Variants in LINGO2 observed in about 807,000 individuals in gnomAD.
LINGO2 encodes leucine rich repeat and Ig domain containing 2, also known as leucine-rich repeat and immunoglobulin-like domain-containing nogo receptor-interacting protein 2.
In LINGO2, 14 loss-of-function variants were observed where a neutral mutation model predicts 30.6. That is an observed-to-expected ratio of 0.46 (90% CI 0.30 to 0.72). The LOEUF is 0.72. Among genes scored for constraint, LINGO2 ranks in the 30% least tolerant of loss-of-function variants. The probability of loss-of-function intolerance (pLI) is 0.07; values close to 1 mark genes in which losing one functional copy is unlikely to be tolerated. For missense variants in LINGO2, 729 were observed against 751.7 expected, an observed-to-expected ratio of 0.97 and a Z score of 0.35; for synonymous variants, 317 against 288.5, an observed-to-expected ratio of 1.10 and a Z score of -1.00.
At chr9:28,324,105 A>C (rs1370131558) in intron 3 of LINGO2, among the ~76,000 whole-genome samples, 2 of 152,176 alleles carry the variant, frequency 1.3e-5, no homozygotes, top group Admixed American at 6.5e-5. Flanking sequence ...CCGTAAGGCT[A>C]ATACTTAGAG....
chr9:28,243,469 A>AAAAAAAG (rs61010611), intron 4 of LINGO2, among the ~76,000 whole-genome samples: 2 of 145,206 alleles, frequency 1.4e-5, no homozygotes, highest in African/African-American at 2.6e-5. Context: ...AAAAATAAAA[A>AAAAAAAG]AAGAAGAAGA....
At chr9:28,256,480 A>G (rs1822387194) in intron 4 of LINGO2, among the ~76,000 whole-genome samples, 2 of 152,000 alleles carry the variant, frequency 1.3e-5, no homozygotes, top group African/African-American at 4.8e-5. Flanking sequence ...TTCAAATGCA[A>G]TAGACAGACA....
chr9:27,954,666 T>C lies in LINGO2; in HGVS notation c.-35-3960A>G, dbSNP rs147580187. Among the ~76,000 whole-genome samples the C allele has an allele frequency of 2.2e-4, 33 of 152,308 alleles. 1 individual carries two copies. The East Asian group carries it at 6.2e-3, about 28-fold the overall frequency. On this transcript the variant is annotated intron_variant, in intron 5 of 5. Coordinates refer to ENST00000379992, the Ensembl canonical transcript of LINGO2. ...GCTGCAATAAACATGGGCATACAGATATACCTTTGATATACTGTGTATTAC... is the reference window on the plus strand; with the variant it reads ...GCTGCAATAAACATGGGCATACAGACATACCTTTGATATACTGTGTATTAC...
At chr9:29,063,332 T>C in the LINGO2 span, among the ~76,000 whole-genome samples, 1 of 152,128 alleles carries the variant, frequency 6.6e-6, no homozygotes, top group Non-Finnish European at 1.5e-5. Flanking sequence ...ATATCCATTA[T>C]TAGTGCTTTA....
intron 4 of LINGO2, among the ~76,000 whole-genome samples, chr9:28,054,787 CTTAATT>C (rs1361491848): frequency 6.6e-6 from 1 of 151,758 alleles, no homozygotes; most frequent in Non-Finnish European, 1.5e-5. Context: ...CAGGCTATAA[CTTAATT>C]TTTAATTTTC....
intron 4 of LINGO2, among the ~76,000 whole-genome samples, chr9:28,136,978 T>A (rs1435645329): frequency 6.6e-6 from 1 of 152,064 alleles, no homozygotes; most frequent in Non-Finnish European, 1.5e-5. Flanking sequence ...GGGATGTTGG[T>A]CTTCTCCTGC....
chr9:28,048,909 A>G (rs975304286), intron 4 of LINGO2, among the ~76,000 whole-genome samples: 1 of 150,756 alleles, frequency 6.6e-6, no homozygotes, highest in African/African-American at 2.5e-5. Context: ...ATGCACATAG[A>G]ACAAATTCTA....
chr9:28,812,695 C>G, the LINGO2 span, among the ~76,000 whole-genome samples: 1 of 152,124 alleles, frequency 6.6e-6, no homozygotes, highest in Admixed American at 6.5e-5. Context: ...CAGAGAAAGG[C>G]TTCTTCTCAC....
the LINGO2 span, among the ~76,000 whole-genome samples, chr9:29,176,077 A>G: frequency 6.6e-6 from 1 of 152,184 alleles, no homozygotes. Flanking sequence ...TGTGAGAGAC[A>G]GATATTTACT....
intron 1 of LINGO2, among the ~76,000 whole-genome samples, chr9:28,482,426 T>C (rs962912043): frequency 4.6e-5 from 7 of 152,296 alleles, no homozygotes; most frequent in African/African-American, 1.7e-4. Context: ...TGTCTTCTTC[T>C]GAGAAGTGTC....
At chr9:29,021,058 G>A in the LINGO2 span, among the ~76,000 whole-genome samples, 2 of 152,120 alleles carry the variant, frequency 1.3e-5, no homozygotes, top group Non-Finnish European at 1.5e-5. Flanking sequence ...TACATTGAAG[G>A]AGAAATCAGA....
At chr9:28,304,830 T>A (rs1050485803) in intron 3 of LINGO2, among the ~76,000 whole-genome samples, 3 of 151,910 alleles carry the variant, frequency 2.0e-5, no homozygotes, top group African/African-American at 7.2e-5. Context: ...TCGAAGAGAA[T>A]AACAAAAAAT....
intron 1 of LINGO2, among the ~76,000 whole-genome samples, chr9:28,647,893 C>CTTTTTTTTT (rs5897315): frequency 3.1e-5 from 4 of 130,240 alleles, no homozygotes; most frequent in South Asian, 2.5e-4. Flanking sequence ...TTCTTTCTTT[C>CTTTTTTTTT]TTTTTTTTTT....
chr9:28,849,171 C>G, the LINGO2 span, among the ~76,000 whole-genome samples: 2 of 151,974 alleles, frequency 1.3e-5, no homozygotes, highest in Non-Finnish European at 2.9e-5. Context: ...ATTTCTTACG[C>G]TCTTCTTGTT....
chr9:28,482,475 GT>G (rs1488373042), intron 1 of LINGO2, among the ~76,000 whole-genome samples: 1 of 151,832 alleles, frequency 6.6e-6, no homozygotes, highest in African/African-American at 2.4e-5. Context: ...GGGGTTGTTT[GT>G]TTTTTTCTTG....
intron 4 of LINGO2, among the ~76,000 whole-genome samples, chr9:28,267,434 C>T (rs1195718514): frequency 6.6e-6 from 1 of 152,004 alleles, no homozygotes; most frequent in Non-Finnish European, 1.5e-5. Context: ...GAATTTCAAA[C>T]TATTTTATCT....
At chr9:28,391,735 C>T (rs189265327) in intron 2 of LINGO2, among the ~76,000 whole-genome samples, 357 of 152,122 alleles carry the variant, frequency 2.3e-3, no homozygotes, top group African/African-American at 8.3e-3. Flanking sequence ...CCCTCCTTAT[C>T]ACATGGAAAT....
intron 4 of LINGO2, chr9:28,080,614 T>C (rs1303414763): frequency 1.3e-5 from 2 of 152,208 alleles, no homozygotes; most frequent in African/African-American, 4.8e-5. Context: ...ATTATTTTGT[T>C]TGTTTCTTTA....
the LINGO2 span, among the ~76,000 whole-genome samples, chr9:28,892,910 C>T: frequency 2.0e-5 from 3 of 151,970 alleles, no homozygotes; most frequent in Admixed American, 1.3e-4. Context: ...AATAAAAATT[C>T]CACTTCATTT....
Sources: allele counts gnomAD v4.1 joint callset (sites outside exome capture counted in the v4.1 genomes callset), GRCh38; gene constraint gnomAD v4.1.1; transcripts MANE v1.5; gene names NCBI Gene and HGNC (gene_info 2026-07-23, HGNC 2026-07-21).